ANKH: variants seen among roughly 807,000 people sequenced by gnomAD.
The protein encoded by ANKH is ANKH inorganic pyrophosphate transport regulator.
In ANKH, 15 loss-of-function variants were observed where a neutral mutation model predicts 49.0. The observed-to-expected ratio is 0.31, with a 90% confidence interval of 0.20 to 0.47. The LOEUF is 0.47. Among genes scored for constraint, ANKH ranks in the 20% least tolerant of loss-of-function variants. The probability of loss-of-function intolerance (pLI) is 1.00; values close to 1 mark genes in which losing one functional copy is unlikely to be tolerated. For missense variants in ANKH, 429 were observed against 652.0 expected, an observed-to-expected ratio of 0.66 and a Z score of 3.72; for synonymous variants, 273 against 260.0, an observed-to-expected ratio of 1.05 and a Z score of -0.48.
At chr5:14,852,047 T>C (rs1319752463) in intron 1 of ANKH, among the ~76,000 whole-genome samples, 3 of 152,192 alleles carry the variant, frequency 2.0e-5, no homozygotes, top group African/African-American at 7.2e-5. Context: ...TTTCAGAGGC[T>C]AAGGTGGGAG....
In ANKH at chr5:14,863,046, T is replaced by C. The variant is rs115641935; in HGVS notation, c.96+8306A>G. Among the ~76,000 whole-genome samples the C allele has an allele frequency of 2.8e-3, 428 of 152,248 alleles. 3 individuals are homozygous for C. Among genetic ancestry groups the C allele is most frequent in the African/African-American group, 9.8e-3 (408 of 41,544 alleles). Reference sequence around the variant, plus strand: ...AAGAACTCAATAAATATTAGCTATGTTTATGGTGTTTGTGTTATCATTAAG... The same window carrying C: ...AAGAACTCAATAAATATTAGCTATGCTTATGGTGTTTGTGTTATCATTAAG... On this transcript the variant is annotated intron_variant, in intron 1 of 11. Transcript: ENST00000284268.
intron 1 of ANKH, chr5:14,798,419 G>A: frequency 1.3e-6 from 2 of 1,548,120 alleles, no homozygotes; most frequent in Non-Finnish European, 8.8e-7. Context: ...GGCGAGCCGG[G>A]GGAATCCTGG....
Position 14,788,966 on chromosome 5 carries a change from C to T in ANKH, c.97-19775G>A, listed in dbSNP as rs182336834. Among the ~76,000 whole-genome samples the T allele has an allele frequency of 7.9e-5, 12 of 152,318 alleles. No homozygotes were observed. The South Asian group carries it at 1.2e-3, about 16-fold the overall frequency. On this transcript the variant is annotated intron_variant, in intron 1 of 11. Coordinates refer to ENST00000284268, the MANE Select transcript of ANKH (RefSeq NM_054027.6). ...TATTTGGGCCGGGCACGGTGGCTCA[C>T]GCCTGTAATCCCAGCACTTTGGGAG...
intron 1 of ANKH, among the ~76,000 whole-genome samples, chr5:14,833,946 G>A (rs1208287158): frequency 2.0e-5 from 3 of 152,114 alleles, no homozygotes; most frequent in African/African-American, 7.2e-5. Context: ...GAAAGAATCA[G>A]GAAACCAAAG....
rs1580002465 is a variant in ANKH at position 14,716,919 on chromosome 5, G to A, written c.1012-84C>T. ...CAGATCAGGTGTGGCACAATCCTTGGAGAGTTACGAAAGAGGGACAACCGG... is the reference window on the plus strand; with the variant it reads ...CAGATCAGGTGTGGCACAATCCTTGAAGAGTTACGAAAGAGGGACAACCGG... On this transcript the variant is annotated intron_variant, in intron 8 of 11. Coordinates refer to ENST00000284268, the MANE Select transcript of ANKH (RefSeq NM_054027.6). 39 of 1,561,572 alleles carry A rather than the reference G, an allele frequency of 2.5e-5. No individual in the cohort carries two copies. The South Asian group carries it at 4.2e-4, about 17-fold the overall frequency.
chr5:14,840,626 A>G (rs1175318270), intron 1 of ANKH, among the ~76,000 whole-genome samples: 2 of 152,182 alleles, frequency 1.3e-5, no homozygotes, highest in Non-Finnish European at 2.9e-5. Context: ...ATGCTTATGA[A>G]TTTGCTTCAT....
At chr5:14,727,577 T>C (rs1439596482) in intron 8 of ANKH, among the ~76,000 whole-genome samples, 1 of 152,010 alleles carries the variant, frequency 6.6e-6, no homozygotes, top group Admixed American at 6.6e-5. Context: ...CCTATTCCTT[T>C]TCTCTGCAGC....
intron 1 of ANKH, chr5:14,870,783 GAAAGAAAA>G (rs1392808978): frequency 7.0e-6 from 1 of 143,280 alleles, no homozygotes; most frequent in African/African-American, 2.8e-5. Context: ...AAGAAAGAAA[GAAAGAAAA>G]AAAAAGAAAA....
chr5:14,711,418 G>T, intron 11 of ANKH, 108 bp from the exon 12 acceptor site: 1 of 902,060 alleles, frequency 1.1e-6, no homozygotes, highest in Non-Finnish European at 1.8e-6. Context: ...CTCACTGTAG[G>T]CTTAAACCTT....
intron 2 of ANKH, among the ~76,000 whole-genome samples, chr5:14,761,630 G>A (rs896814717): frequency 6.6e-6 from 1 of 152,072 alleles, no homozygotes; most frequent in South Asian, 2.1e-4. Context: ...TGCTATGTGC[G>A]CTCCAGATGA....
At chr5:14,793,495 C>G (rs1451012607) in intron 1 of ANKH, among the ~76,000 whole-genome samples, 1 of 152,088 alleles carries the variant, frequency 6.6e-6, no homozygotes, top group Non-Finnish European at 1.5e-5. Flanking sequence ...CCACCGGACA[C>G]CTGGTGGCCA....
At chr5:14,721,929 C>CAAAAAAAAAAAAAAA (rs35821509) in intron 8 of ANKH, among the ~76,000 whole-genome samples, 3 of 59,466 alleles carry the variant, frequency 5.0e-5, no homozygotes, top group African/African-American at 2.8e-4. Context: ...GACTCCGTCT[C>CAAAAAAAAAAAAAAA]AAAAAAAAAA....
chr5:14,852,980 A>G (rs1457911085), intron 1 of ANKH, among the ~76,000 whole-genome samples: 3 of 151,858 alleles, frequency 2.0e-5, no homozygotes, highest in South Asian at 4.2e-4. Context: ...GTGTCAAGGT[A>G]CCCCCGGGAG....
intron 1 of ANKH, among the ~76,000 whole-genome samples, chr5:14,771,933 A>AC (rs1561048070): frequency 1.4e-5 from 2 of 145,296 alleles, no homozygotes; most frequent in African/African-American, 2.5e-5. Flanking sequence ...AAAAAAAAAA[A>AC]AAAAAAAAAA....
At position 14,735,328 on chromosome 5, in the gene ANKH, A is replaced by G. The variant is rs145590330; in HGVS notation, c.1011+6499T>C. Among the ~76,000 whole-genome samples, 1,111 of 152,276 alleles carry G rather than the reference A, an allele frequency of 7.3e-3. 7 individuals carry two copies. Among genetic ancestry groups the G allele is most frequent in the South Asian group, 0.018 (87 of 4,830 alleles). Reference sequence around the variant, plus strand: ...TACTATATTTCTAAGCAAATCCCCTACTCACATGGAGAATCTGGAAATAAA... The same window carrying G: ...TACTATATTTCTAAGCAAATCCCCTGCTCACATGGAGAATCTGGAAATAAA... On this transcript the variant is annotated intron_variant, in intron 8 of 11. Coordinates refer to ENST00000284268, the MANE Select transcript of ANKH (RefSeq NM_054027.6).
At chr5:14,741,772 G>T in intron 8 of ANKH, 55 bp downstream of exon 8, 1 of 1,324,884 alleles carries the variant, frequency 7.5e-7, no homozygotes, top group Non-Finnish European at 1.1e-6. Context: ...ATAGCAACTT[G>T]CCCCTTTACA....
chr5:14,846,880 C>A (rs1741976496), intron 1 of ANKH, among the ~76,000 whole-genome samples: 1 of 151,878 alleles, frequency 6.6e-6, no homozygotes, highest in South Asian at 2.1e-4. Flanking sequence ...TGGTGTTATG[C>A]ACCTGTAGTC....
At chr5:14,758,651 T>C (rs1738979984) in intron 2 of ANKH, 53 bp from the exon 3 acceptor site, 5 of 1,278,362 alleles carry the variant, frequency 3.9e-6, no homozygotes, top group African/African-American at 1.5e-5. Context: ...GATATCTTTA[T>C]ATTCTTTTTG....
intron 1 of ANKH, among the ~76,000 whole-genome samples, chr5:14,833,744 T>A (rs1298936434): frequency 6.6e-6 from 1 of 152,180 alleles, no homozygotes; most frequent in Non-Finnish European, 1.5e-5. Flanking sequence ...GCCTTGCTTA[T>A]AGTATAATGC....
Sources: allele counts gnomAD v4.1 joint callset (sites outside exome capture counted in the v4.1 genomes callset), GRCh38; gene constraint gnomAD v4.1.1; transcripts MANE v1.5; gene names NCBI Gene and HGNC (gene_info 2026-07-23, HGNC 2026-07-21).